WDR64: variants seen among roughly 807,000 people sequenced by gnomAD.
WDR64 encodes the protein WD repeat domain 64.
In WDR64, 112 loss-of-function variants were observed where a neutral mutation model predicts 139.3. The observed-to-expected ratio is 0.80, with a 90% CI of 0.69 to 0.94. WDR64 has a LOEUF of 0.94. WDR64 is among the 40% of genes least tolerant of loss of function. WDR64 has a pLI of 0.00. For synonymous variants in WDR64, 444 were observed against 437.7 expected, an observed-to-expected ratio of 1.01 and a Z score of -0.18; for missense variants, 1,206 against 1,293.1, an observed-to-expected ratio of 0.93 and a Z score of 1.03.
intron 14 of WDR64, among the ~76,000 whole-genome samples, chr1:241,751,062 C>G (rs1320841649): frequency 6.6e-6 from 1 of 152,038 alleles, no homozygotes; most frequent in African/African-American, 2.4e-5. Flanking sequence ...TACTTATTTT[C>G]TAGAATACTT....
At chr1:241,723,693 G>A (rs987054091) in intron 10 of WDR64, among the ~76,000 whole-genome samples, 5 of 151,908 alleles carry the variant, frequency 3.3e-5, no homozygotes, top group Admixed American at 6.6e-5. Context: ...ACCCTCAAAA[G>A]TAAAACATAA....
intron 16 of WDR64, 148 bp downstream of exon 16, chr1:241,766,499 G>C: frequency 2.3e-6 from 2 of 871,470 alleles, no homozygotes; most frequent in South Asian, 2.1e-5. Flanking sequence ...CCAGGAGTTC[G>C]AGATCAGCCT....
At chr1:241,702,066 G>A (rs1472864734) in intron 8 of WDR64, among the ~76,000 whole-genome samples, 1 of 152,148 alleles carries the variant, frequency 6.6e-6, no homozygotes, top group African/African-American at 2.4e-5. Context: ...TTCTGTACTA[G>A]CAAGAAAATA....
chr1:241,796,332 A>T lies in WDR64; in HGVS notation c.3154A>T (p.Thr1052Ser). 1 of 1,613,890 alleles carries T rather than the reference A, an allele frequency of 6.2e-7. No individual in the cohort carries two copies. The change falls in exon 27 of 28, where the codon ACA becomes TCA. Residue 1052 changes from threonine (T) to serine (S), a missense_variant. Physicochemically the swap from Thr to Ser is moderately conservative, Grantham distance 58. Coordinates refer to ENST00000437684, the MANE Select transcript of WDR64 (RefSeq NM_001367482.1). ...CCAAAAGGACTCTTCAGATGGCATT[A>T]CAGGAAAGAAGAAGGGAGGTCATGT... ...EAQKDSSDGI[T>S]GKKKGGHVQR...
chr1:241,687,363 G>T, intron 7 of WDR64, 98 bp from the exon 8 acceptor site: 12 of 1,299,376 alleles, frequency 9.2e-6, no homozygotes, highest in South Asian at 1.3e-5. Flanking sequence ...TTTGGGTTTA[G>T]TACAATTCAG....
intron 2 of WDR64, among the ~76,000 whole-genome samples, chr1:241,667,060 A>G (rs1306305412): frequency 6.6e-6 from 1 of 152,054 alleles, no homozygotes; most frequent in African/African-American, 2.4e-5. Flanking sequence ...ATTAAAATAA[A>G]GTTAAACGAC....
intron 13 of WDR64, among the ~76,000 whole-genome samples, chr1:241,749,187 G>C (rs1432278782): frequency 6.6e-6 from 1 of 152,120 alleles, no homozygotes; most frequent in Admixed American, 6.5e-5. Context: ...GTCGTGGCAT[G>C]GTAGCGAATA....
intron 7 of WDR64, among the ~76,000 whole-genome samples, chr1:241,685,680 C>T (rs952544929): frequency 2.4e-4 from 37 of 152,084 alleles, no homozygotes; most frequent in African/African-American, 8.0e-4. Flanking sequence ...ACTGATACTA[C>T]GTGGAATTAA....
At chr1:241,669,237 C>T (rs865983938) in intron 2 of WDR64, among the ~76,000 whole-genome samples, 5 of 152,204 alleles carry the variant, frequency 3.3e-5, no homozygotes, top group African/African-American at 1.2e-4. Context: ...ATTCATTGTA[C>T]AGTCTGAACC....
chr1:241,675,053 TTTCTCCCTTCCTCCTTCCTG>T (rs1666447653), intron 4 of WDR64, among the ~76,000 whole-genome samples: 1 of 86,528 alleles, frequency 1.2e-5, no homozygotes, highest in Non-Finnish European at 2.3e-5. Context: ...TTTCCTTCCT[TTTCTCCCTTCCTCCTTCCTG>T]CCTCCCTCCC....
chr1:241,656,870 T>TG lies in WDR64; in HGVS notation c.146-3660_146-3659insG, dbSNP rs1175340356. Among the ~76,000 whole-genome samples, 7 of 86,644 alleles carry TG rather than the reference T, an allele frequency of 8.1e-5. No individual in the cohort carries two copies. The highest frequency in any genetic ancestry group is 1.3e-4 in the African/African-American group (3 of 22,422). 56.8% of individuals were successfully genotyped at this position (86,644 alleles called of 152,430 possible). A position where few individuals can be genotyped will look rare whatever the true frequency, so the allele number is the denominator to read the frequency against. ...AAATGTCTCAAGTCTTTGCCAAATGTTGTGTGTGTGTGTGTGTGTGTGTGT... is the reference window on the plus strand; with the variant it reads ...AAATGTCTCAAGTCTTTGCCAAATGTGTGTGTGTGTGTGTGTGTGTGTGTGT... On this transcript the variant is annotated intron_variant, in intron 1 of 27. Transcript: ENST00000437684. The surrounding 1 kb of genome is among the most constrained non-coding windows in gnomAD (Gnocchi z 4.3).
rs572451233 is a variant in WDR64 at position 241,672,541 on chromosome 1, C to T, written c.379+1365C>T. On this transcript the variant is annotated intron_variant, in intron 3 of 27. Coordinates refer to ENST00000437684, the MANE Select transcript of WDR64 (RefSeq NM_001367482.1). ...ACCTTTCTAAATGCTAGAGACAGAG[C>T]GGTGAACAAACAGACACAAATCCCT... 7.2e-5 allele frequency among the ~76,000 whole-genome samples: 11 copies of T among 152,188 alleles called. No homozygotes were observed. In the South Asian group the frequency reaches 1.0e-3, roughly 14 times the overall value.
intron 8 of WDR64, among the ~76,000 whole-genome samples, chr1:241,689,394 A>G (rs1264277152): frequency 6.6e-6 from 1 of 152,258 alleles, no homozygotes. Flanking sequence ...AAAGATGCAG[A>G]AAGATATACT....
intron 11 of WDR64, 103 bp from the exon 12 acceptor site, chr1:241,741,413 T>C: frequency 1.1e-6 from 1 of 916,948 alleles, no homozygotes; most frequent in Non-Finnish European, 1.6e-6. Flanking sequence ...ATATTGCTAA[T>C]CTCACTGTTT....
At chr1:241,675,087 A>T (rs149206231) in intron 4 of WDR64, among the ~76,000 whole-genome samples, 16,096 of 17,938 alleles carry the variant, frequency 0.9, 7,248 homozygotes, top group South Asian at 0.94. Context: ...CCCTCCCTTC[A>T]TCCTTCCTCC....
intron 16 of WDR64, among the ~76,000 whole-genome samples, chr1:241,766,840 T>C (rs919730115): frequency 1.2e-4 from 18 of 152,306 alleles, no homozygotes; most frequent in Middle Eastern, 3.4e-3. Flanking sequence ...ATGATATAAG[T>C]AAGGTGAACT....
chr1:241,652,794 C>T (rs986935146), intron 1 of WDR64, among the ~76,000 whole-genome samples, 165 bp downstream of exon 1: 3 of 152,240 alleles, frequency 2.0e-5, no homozygotes, highest in Middle Eastern at 3.4e-3. Context: ...AATAACAAAG[C>T]GGACATGAGG....
rs544450153 is a variant in WDR64 at position 241,753,391 on chromosome 1, T to C, written c.1770+3669T>C. ...AAAATTAAAAATTAATGGCCTCTCA[T>C]CAATAATAACCAGTTAGAAAATATA... is the stretch of plus-strand genomic sequence containing the variant. On this transcript the variant is annotated intron_variant, in intron 14 of 27. Transcript: ENST00000437684. Among the ~76,000 whole-genome samples the C allele has an allele frequency of 3.9e-5, 6 of 152,264 alleles. No individual in the cohort carries two copies. The South Asian group carries it at 1.2e-3, about 32-fold the overall frequency.
intron 18 of WDR64, 81 bp downstream of exon 18, chr1:241,770,771 C>A (rs898165623): frequency 1.5e-6 from 2 of 1,292,126 alleles, no homozygotes; most frequent in Non-Finnish European, 2.1e-6. Context: ...CACATTTGAG[C>A]CCCTCCTTTG....
Sources: gnomAD v4.1 joint callset for allele counts (sites outside exome capture counted in the v4.1 genomes callset) on GRCh38, gnomAD v4.1.1 for gene constraint, Gnocchi (gnomAD v3.1) non-coding constraint, MANE v1.5 for transcripts, NCBI Gene and HGNC (gene_info 2026-07-23, HGNC 2026-07-21) for gene names.